ATP2B4: variants seen among roughly 807,000 people sequenced by gnomAD.
The protein encoded by ATP2B4 is plasma membrane calcium-transporting ATPase 4.
Under a neutral mutation model 110.3 loss-of-function variants are expected in ATP2B4, and 39 were observed. The ratio of observed to expected loss-of-function variants is 0.35; its 90% CI spans 0.27 to 0.46. The LOEUF (loss-of-function observed/expected upper bound fraction) is 0.46, where lower values mean the gene tolerates loss of function less well. ATP2B4 is among the 20% of genes least tolerant of loss of function. The pLI, the probability that ATP2B4 is intolerant of heterozygous loss-of-function variation, is 1.00. For synonymous variants in ATP2B4, 538 were observed against 571.7 expected, an observed-to-expected ratio of 0.94 and a Z score of 0.84; for missense variants, 1,135 against 1,530.9, an observed-to-expected ratio of 0.74 and a Z score of 4.32.
chr1:203,678,392 CTTTTTTTTTT>C (rs35598967), intron 1 of ATP2B4, among the ~76,000 whole-genome samples: 2 of 100,194 alleles, frequency 2.0e-5, no homozygotes, highest in Non-Finnish European at 3.7e-5. Flanking sequence ...TTTCTAGAGG[CTTTTTTTTTT>C]TTTTTTTTTT....
rs143974450 is a variant in ATP2B4 at position 203,722,642 on chromosome 1, C to G, written c.2977C>G (p.Arg993Gly). Residue 993 changes from arginine to glycine, a missense_variant, in exon 18 of 21, where the codon CGC (arginine) becomes GGC (glycine). Coordinates refer to ENST00000357681, the MANE Select transcript of ATP2B4 (RefSeq NM_001684.5). Reference sequence around the variant, plus strand: ...GAAGAACGTCTTTTCAGGCATCTACCGCAACATTATCTTCTGCTCTGTAGT... The same window carrying G: ...GAAGAACGTCTTTTCAGGCATCTACGGCAACATTATCTTCTGCTCTGTAGT... ...GEKNVFSGIYRNIIFCSVVLG... is the reference protein window; with the variant it reads ...GEKNVFSGIYGNIIFCSVVLG... 64 of 1,614,048 alleles carry G rather than the reference C, an allele frequency of 4.0e-5. No homozygotes were observed. Among genetic ancestry groups the G allele is most frequent in the Middle Eastern group, 1.6e-4 (1 of 6,084 alleles).
rs73064447 is a variant in ATP2B4, at chr1:203,701,305, C to A, written c.901+382C>A. 4.0e-3 allele frequency among the ~76,000 whole-genome samples: 611 copies of A among 152,260 alleles called. 3 individuals are homozygous for A. Among genetic ancestry groups the A allele is most frequent in the African/African-American group, 0.01 (435 of 41,546 alleles). On this transcript the variant is annotated intron_variant, in intron 6 of 20. Coordinates refer to ENST00000357681, the MANE Select transcript of ATP2B4 (RefSeq NM_001684.5). ...AAAGATGGGGGGTTAAACGAACCAT[C>A]AAGACTAAGAGAAAATTGGCCAGAA...
At chr1:203,691,941 G>A (rs1223263675) in intron 2 of ATP2B4, among the ~76,000 whole-genome samples, 1 of 151,950 alleles carries the variant, frequency 6.6e-6, no homozygotes, top group Non-Finnish European at 1.5e-5. Context: ...GAGTGCAGTG[G>A]CGCAATCTCA....
At chr1:203,657,284 G>A in intron 1 of ATP2B4, 2 of 724,614 alleles carry the variant, frequency 2.8e-6, no homozygotes, top group Non-Finnish European at 5.0e-6. Flanking sequence ...CTCCGACAAA[G>A]CAGAGTTTAG....
intron 1 of ATP2B4, among the ~76,000 whole-genome samples, chr1:203,640,441 C>A (rs1663591581): frequency 6.6e-6 from 1 of 152,186 alleles, no homozygotes; most frequent in African/African-American, 2.4e-5. Flanking sequence ...CCTCAGCCTC[C>A]CTTGTAACTG....
chr1:203,699,391 A>AG (rs1318255431), intron 3 of ATP2B4, 69 bp from the exon 4 acceptor site: 1 of 1,576,142 alleles, frequency 6.3e-7, no homozygotes, highest in East Asian at 2.2e-5. Context: ...TGATTGTGGA[A>AG]GCACTACTCC....
chr1:203,679,552 A>C (rs926856545), intron 1 of ATP2B4, among the ~76,000 whole-genome samples: 2 of 152,162 alleles, frequency 1.3e-5, no homozygotes. Context: ...AAGTGGAAGA[A>C]TCTCTCCGCT....
chr1:203,721,816 C>T (rs550137272), intron 17 of ATP2B4, among the ~76,000 whole-genome samples: 1 of 152,024 alleles, frequency 6.6e-6, no homozygotes, highest in East Asian at 1.9e-4. Flanking sequence ...GCATGCGCCA[C>T]CACACCCGGC....
intron 10 of ATP2B4, 127 bp from the exon 11 acceptor site, chr1:203,709,174 A>AT: frequency 7.5e-7 from 1 of 1,340,438 alleles, no homozygotes; most frequent in Non-Finnish European, 1.0e-6. Flanking sequence ...GAAAAAAAAA[A>AT]ATGTTATTTC....
intron 14 of ATP2B4, 81 bp from the exon 15 acceptor site, chr1:203,714,090 A>C: frequency 1.5e-6 from 2 of 1,309,324 alleles, no homozygotes; most frequent in East Asian, 2.3e-5. Context: ...GAAAGAAGAA[A>C]GTAGAAGGAG....
chr1:203,648,741 G>A (rs913642185), intron 1 of ATP2B4, among the ~76,000 whole-genome samples: 3 of 152,142 alleles, frequency 2.0e-5, no homozygotes, highest in Admixed American at 6.5e-5. Flanking sequence ...CCCATACCAA[G>A]GTTTCACCCC....
At chr1:203,699,810 C>T in intron 4 of ATP2B4, 93 bp downstream of exon 4, 1 of 1,536,100 alleles carries the variant, frequency 6.5e-7, no homozygotes, top group Non-Finnish European at 8.8e-7. Context: ...TTGCTGAAAA[C>T]CCAAAAAGAT....
chr1:203,702,499 A>G (rs761011182), intron 7 of ATP2B4, among the ~76,000 whole-genome samples: 1 of 152,142 alleles, frequency 6.6e-6, no homozygotes, highest in Non-Finnish European at 1.5e-5. Flanking sequence ...TAGCTTCCTC[A>G]TAAGTGTCCT....
intron 1 of ATP2B4, among the ~76,000 whole-genome samples, chr1:203,656,598 A>C (rs4620599): frequency 1.3e-5 from 2 of 152,196 alleles, no homozygotes; most frequent in Non-Finnish European, 2.9e-5. Context: ...GGATTAATGA[A>C]TAACGAGGTA....
At chr1:203,627,872 A>G (rs993071396) in intron 1 of ATP2B4, among the ~76,000 whole-genome samples, 4 of 152,092 alleles carry the variant, frequency 2.6e-5, no homozygotes, top group Admixed American at 2.0e-4. Flanking sequence ...CTGCTTGCAA[A>G]ACATCCTCAG....
intron 2 of ATP2B4, among the ~76,000 whole-genome samples, chr1:203,685,610 A>G (rs6594006): frequency 0.83 from 126,610 of 152,096 alleles, 53,531 homozygotes; most frequent in East Asian, 1. Flanking sequence ...TATTTTCTTT[A>G]CAACCTAAGG....
At chr1:203,726,116 G>A (rs1013965682) in intron 19 of ATP2B4, among the ~76,000 whole-genome samples, 14 of 150,768 alleles carry the variant, frequency 9.3e-5, no homozygotes, top group African/African-American at 3.4e-4. Flanking sequence ...ACACATGCCT[G>A]TAATCCCAGC....
intron 1 of ATP2B4, among the ~76,000 whole-genome samples, chr1:203,664,957 G>C (rs867976483): frequency 6.6e-6 from 1 of 151,976 alleles, no homozygotes; most frequent in African/African-American, 2.4e-5. Flanking sequence ...TCAGCCTCCC[G>C]AGTAGCTGGG....
At chr1:203,737,691 C>T (rs562903083) in intron 20 of ATP2B4, among the ~76,000 whole-genome samples, 5 of 152,278 alleles carry the variant, frequency 3.3e-5, no homozygotes, top group East Asian at 3.9e-4. Context: ...ATGTGGTCCT[C>T]GCTGTCTGTT....
Sources: gnomAD v4.1 joint callset for allele counts (sites outside exome capture counted in the v4.1 genomes callset) on GRCh38, gnomAD v4.1.1 for gene constraint, MANE v1.5 for transcripts, NCBI Gene and HGNC (gene_info 2026-07-23, HGNC 2026-07-21) for gene names.